SSBP4: variants seen among roughly 807,000 people sequenced by gnomAD.
SSBP4 encodes the protein single-stranded DNA-binding protein 4.
A neutral mutation model predicts 64.6 loss-of-function variants in SSBP4; 33 were observed. The ratio of observed to expected loss-of-function variants is 0.51; its 90% CI spans 0.39 to 0.68. The LOEUF (loss-of-function observed/expected upper bound fraction) is 0.68, where lower values mean the gene tolerates loss of function less well. SSBP4 is among the 30% of genes least tolerant of loss of function. SSBP4 has a pLI of 0.00. For synonymous variants in SSBP4, 243 were observed against 224.0 expected, an observed-to-expected ratio of 1.08 and a Z score of -0.76; for missense variants, 583 against 566.8, an observed-to-expected ratio of 1.03 and a Z score of -0.29.
chr19:18,426,914 T>C lies in SSBP4; in HGVS notation c.60-437T>C, dbSNP rs1366814296. Among the ~76,000 whole-genome samples the C allele has an allele frequency of 6.6e-6, 1 of 152,026 alleles. No homozygotes were observed. ...TGGGGTCCAGGGACTGCAGGGGATG[T>C]GGGGTGGAGGACCCCTTCCCTCCTT... On this transcript the variant is annotated intron_variant, in intron 1 of 17. Transcript: ENST00000270061. The surrounding 1 kb of genome is among the most constrained non-coding windows in gnomAD (Gnocchi z 4.5).
intron 10 of SSBP4, 80 bp from the exon 11 acceptor site, chr19:18,432,479 G>A (rs1973492969): frequency 2.0e-5 from 30 of 1,504,714 alleles, no homozygotes; most frequent in Non-Finnish European, 2.6e-5. Flanking sequence ...ATACAGTGGA[G>A]CAGGGTGTGG....
chr19:18,408,351 T>G, the SSBP4 span, among the ~76,000 whole-genome samples: 2 of 152,134 alleles, frequency 1.3e-5, no homozygotes, highest in Admixed American at 1.3e-4. Flanking sequence ...CCATTCCTGG[T>G]GGCCCACGTT....
the SSBP4 span, among the ~76,000 whole-genome samples, chr19:18,413,320 T>C: frequency 6.6e-6 from 1 of 152,080 alleles, no homozygotes; most frequent in Non-Finnish European, 1.5e-5. Context: ...GAGATTGTCC[T>C]GCCTCAGCCT....
chr19:18,428,304 G>T (rs751670614), intron 4 of SSBP4, among the ~76,000 whole-genome samples: 1 of 152,186 alleles, frequency 6.6e-6, no homozygotes, highest in Non-Finnish European at 1.5e-5. Flanking sequence ...GTGAGCCTGC[G>T]TGGAGATGGG....
At position 18,427,092 on chromosome 19, in the gene SSBP4, G is replaced by A. The variant is rs1185395709; in HGVS notation, c.60-259G>A. On this transcript the variant is annotated intron_variant, in intron 1 of 17. Transcript: ENST00000270061. The surrounding 1 kb of genome is among the most constrained non-coding windows in gnomAD (Gnocchi z 4.4). ...ACCTCCCCAGCGCTGAGGCCTCTCTGGAGTCTCAGTGTTGGCAGGACATGG... is the reference window on the plus strand; with the variant it reads ...ACCTCCCCAGCGCTGAGGCCTCTCTAGAGTCTCAGTGTTGGCAGGACATGG... Among the ~76,000 whole-genome samples, 2 of 152,168 alleles carry A rather than the reference G, an allele frequency of 1.3e-5. No homozygotes were observed. The highest frequency in any genetic ancestry group is 3.8e-4 in the East Asian group (2 of 5,196).
chr19:18,419,243 A>C, upstream of SSBP4: 1 of 989,508 alleles, frequency 1.0e-6, no homozygotes, highest in Non-Finnish European at 1.2e-6. Context: ...GCGAGTGTGT[A>C]GCCGCGCCCC....
Position 18,419,459 on chromosome 19 carries a change from C to A in SSBP4, c.-190C>A. ...AAAAAAGCCACCCTGCGGCCGGGGCCGGAGCTGGAGCCGCCGCTGCCGCCG... is the reference window on the plus strand; with the variant it reads ...AAAAAAGCCACCCTGCGGCCGGGGCAGGAGCTGGAGCCGCCGCTGCCGCCG... On this transcript the variant is annotated 5_prime_UTR_variant, in exon 1 of 18. Transcript: ENST00000270061. The A allele has an allele frequency of 9.4e-7, 1 of 1,066,930 alleles. No homozygotes were observed. Among genetic ancestry groups the A allele is most frequent in the South Asian group, 4.4e-5 (1 of 22,918 alleles). The allele number at this position is 1,066,930 out of a possible 1,614,324, so 66.1% of individuals were successfully genotyped here. A position where few individuals can be genotyped will look rare whatever the true frequency, so the allele number is the denominator to read the frequency against.
rs1297459145 is a variant in SSBP4 at position 18,426,678 on chromosome 19, C to T, written c.60-673C>T. 6.6e-6 allele frequency among the ~76,000 whole-genome samples: 1 copy of T among 152,112 alleles called. No homozygotes were observed. Among genetic ancestry groups the T allele is most frequent in the African/African-American group, 2.4e-5 (1 of 41,414 alleles). On this transcript the variant is annotated intron_variant, in intron 1 of 17. Transcript: ENST00000270061. This position sits in a 1 kb window ranked among gnomAD's most constrained non-coding sequence, Gnocchi z 4.5. ...GGTTGGGAGGGTGAGTCCAGGGGTC[C>T]CTGGCAGGCTGGGGACTCGCGCAGA...
chr19:18,414,148 C>T (rs960481067), upstream of SSBP4, among the ~76,000 whole-genome samples: 8 of 152,338 alleles, frequency 5.3e-5, no homozygotes, highest in Admixed American at 2.0e-4. Flanking sequence ...CAGCGTGCAC[C>T]CAGAGCTACC....
chr19:18,416,902 A>G (rs1050905110), upstream of SSBP4, among the ~76,000 whole-genome samples: 1 of 152,008 alleles, frequency 6.6e-6, no homozygotes, highest in Non-Finnish European at 1.5e-5. Context: ...CAGCTCCCCG[A>G]CGCCGCGTGG....
chr19:18,415,125 T>G (rs949172104), upstream of SSBP4, among the ~76,000 whole-genome samples: 1 of 144,860 alleles, frequency 6.9e-6, no homozygotes, highest in South Asian at 2.2e-4. Flanking sequence ...CACCCTGGTG[T>G]TGTTTGGGTT....
upstream of SSBP4, among the ~76,000 whole-genome samples, chr19:18,414,876 C>T (rs1282329566): frequency 2.0e-5 from 3 of 152,176 alleles, no homozygotes; most frequent in Non-Finnish European, 4.4e-5. Flanking sequence ...TGAGCCAGGG[C>T]ACAGCTAGGT....
chr19:18,406,424 T>A, the SSBP4 span, among the ~76,000 whole-genome samples: 1 of 151,922 alleles, frequency 6.6e-6, no homozygotes. Context: ...CAAATGATCT[T>A]CCCACCTTGG....
chr19:18,403,732 G>C, the SSBP4 span, among the ~76,000 whole-genome samples: 4 of 151,558 alleles, frequency 2.6e-5, no homozygotes. Flanking sequence ...GGGGTCTGGG[G>C]GTGCTGGGGT....
intron 4 of SSBP4, 47 bp downstream of exon 4, chr19:18,428,029 G>A: frequency 6.3e-7 from 1 of 1,579,442 alleles, no homozygotes. Flanking sequence ...CGGGAGGTGT[G>A]CTGGGCCTGT....
upstream of SSBP4, among the ~76,000 whole-genome samples, chr19:18,414,661 A>G (rs760178549): frequency 3.7e-4 from 56 of 152,326 alleles, no homozygotes; most frequent in Non-Finnish European, 6.2e-4. Flanking sequence ...TGCTAGAAGC[A>G]CAGAAGTGTA....
At chr19:18,428,767 A>G (rs922243380) in intron 4 of SSBP4, among the ~76,000 whole-genome samples, 3 of 152,134 alleles carry the variant, frequency 2.0e-5, no homozygotes, top group Non-Finnish European at 4.4e-5. Context: ...ATGTCTCTGA[A>G]GATGCCTCCA....
chr19:18,430,798 A>G lies in SSBP4; in HGVS notation c.280-43A>G, dbSNP rs564071008. 6 of 1,562,272 alleles carry G rather than the reference A, an allele frequency of 3.8e-6. No individual in the cohort carries two copies. The Admixed American group carries it at 1.1e-4, about 29-fold the overall frequency. On this transcript the variant is annotated intron_variant, in intron 4 of 17. Coordinates refer to ENST00000270061, the MANE Select transcript of SSBP4 (RefSeq NM_032627.5). ...GGCACACCCCAGGTAGGAAGTGTCC[A>G]GGTGTCCTGACCTGGCCCTCTGGGT...
At chr19:18,408,875 G>A in the SSBP4 span, among the ~76,000 whole-genome samples, 325 of 151,944 alleles carry the variant, frequency 2.1e-3, no homozygotes, top group African/African-American at 7.5e-3. Context: ...GTGCAGTGGC[G>A]TGATCTCACT....
Sources: allele counts gnomAD v4.1 joint callset (sites outside exome capture counted in the v4.1 genomes callset), GRCh38; gene constraint gnomAD v4.1.1; non-coding constraint Gnocchi (gnomAD v3.1); transcripts MANE v1.5; gene names NCBI Gene and HGNC (gene_info 2026-07-23, HGNC 2026-07-21).